MROH1: variants seen among roughly 807,000 people sequenced by gnomAD.
MROH1 encodes the protein maestro heat-like repeat-containing protein family member 1.
MROH1 carries 117 observed loss-of-function variants against 116.5 expected under a neutral mutation model. The ratio of observed to expected loss-of-function variants is 1.00; its 90% confidence interval spans 0.86 to 1.17. The LOEUF (loss-of-function observed/expected upper bound fraction) is 1.17. Ranked by LOEUF, MROH1 falls within the 50% of genes most tolerant of loss-of-function variation. The pLI is 0.00. For missense variants in MROH1, 1,873 were observed against 1,338.5 expected, an observed-to-expected ratio of 1.40 and a Z score of -6.23; for synonymous variants, 921 against 583.9, an observed-to-expected ratio of 1.58 and a Z score of -8.32.
intron 10 of MROH1, among the ~76,000 whole-genome samples, chr8:144,196,751 A>C (rs1435871703): frequency 6.6e-6 from 1 of 152,140 alleles, no homozygotes; most frequent in Non-Finnish European, 1.5e-5. Context: ...ACTCATTTGC[A>C]TTAGTTATAT....
intron 25 of MROH1, 80 bp from the exon 26 acceptor site, chr8:144,243,783 T>TAGGCTGGGGGACAGAGCTTGACCAGG: frequency 1.3e-6 from 1 of 743,800 alleles, no homozygotes; most frequent in Non-Finnish European, 2.5e-6. Flanking sequence ...GCCTGTCACT[T>TAGGCTGGGGGACAGAGCTTGACCAGG]AGGCTGGGGG....
chr8:144,186,612 A>C (rs1366504336), intron 7 of MROH1, among the ~76,000 whole-genome samples: 1 of 152,136 alleles, frequency 6.6e-6, no homozygotes, highest in African/African-American at 2.4e-5. Flanking sequence ...ATCACCTCAC[A>C]TACCCCGCTG....
intron 29 of MROH1, 141 bp downstream of exon 29, chr8:144,245,401 G>A: frequency 1.5e-6 from 1 of 652,022 alleles, no homozygotes; most frequent in East Asian, 2.7e-5. Flanking sequence ...TTGAGGGCCT[G>A]TCAGGGCCAG....
chr8:144,233,315 T>TG (rs1839297500), intron 14 of MROH1, among the ~76,000 whole-genome samples: 1 of 132,710 alleles, frequency 7.5e-6, no homozygotes, highest in South Asian at 2.5e-4. Flanking sequence ...CATTAAATGC[T>TG]AACTCCCATT....
Position 144,261,681 on chromosome 8 carries a change from GC to G in MROH1, c.4872del (p.Glu1625ArgfsTer14). The G allele has an allele frequency of 1.4e-6, 1 of 727,290 alleles. No homozygotes were observed. The highest frequency in any genetic ancestry group is 2.6e-5 in the East Asian group (1 of 38,304). The allele number at this position is 727,290 out of a possible 1,614,324, so 45.1% of individuals were successfully genotyped here. A position where few individuals can be genotyped will look rare whatever the true frequency, so the allele number is the denominator to read the frequency against. ...AALQILLKDP[A>X]PEVRTRAAEA... ...GCTCCAGATCCTGCTGAAGGACCCG[GC>G]CCCCGAGGTGCGGACGAGGGCTGCT... On this transcript the variant is annotated frameshift_variant, in exon 44 of 44. Coordinates refer to ENST00000326134, the MANE Select transcript of MROH1 (RefSeq NM_032450.3). LOFTEE classifies it high-confidence loss of function.
intron 1 of MROH1, among the ~76,000 whole-genome samples, chr8:144,152,102 C>G (rs1816944003): frequency 6.6e-6 from 1 of 152,254 alleles, no homozygotes; most frequent in South Asian, 2.1e-4. Context: ...TACCTATATA[C>G]CTATGATAAA....
chr8:144,192,540 C>A (rs1469199109), intron 10 of MROH1, 139 bp downstream of exon 10: 5 of 752,268 alleles, frequency 6.6e-6, no homozygotes, highest in Middle Eastern at 2.2e-4. Flanking sequence ...CCCTGAAGGT[C>A]ACTCGGGTGA....
Position 144,254,991 on chromosome 8 carries a change from C to G in MROH1, c.3594+13C>G. 1 of 743,986 alleles carries G rather than the reference C, an allele frequency of 1.3e-6. No homozygotes were observed. The highest frequency in any genetic ancestry group is 2.5e-6 in the Non-Finnish European group (1 of 403,878). The allele number at this position is 743,986 out of a possible 1,614,324, so 46.1% of individuals were successfully genotyped here. A position where few individuals can be genotyped will look rare whatever the true frequency, so the allele number is the denominator to read the frequency against. On this transcript the variant is annotated intron_variant, in intron 34 of 43. Coordinates refer to ENST00000326134, the MANE Select transcript of MROH1 (RefSeq NM_032450.3). ...GCTGCCTCTCTCGGTGAGTCGGGCT[C>G]TCGGGGCCACCTTGACACGCTGTCC...
chr8:144,216,315 A>G (rs1835251879), intron 12 of MROH1, among the ~76,000 whole-genome samples: 1 of 151,710 alleles, frequency 6.6e-6, no homozygotes, highest in Non-Finnish European at 1.5e-5. Context: ...TCTACTAAAA[A>G]TACAAAAAAT....
intron 12 of MROH1, among the ~76,000 whole-genome samples, chr8:144,216,724 G>C (rs1038421070): frequency 4.1e-5 from 6 of 146,122 alleles, no homozygotes; most frequent in Admixed American, 2.7e-4. Context: ...GAGTCTTGCT[G>C]TGTCGCCCAG....
At chr8:144,164,001 G>A (rs1820168760) in intron 3 of MROH1, among the ~76,000 whole-genome samples, 153 bp downstream of exon 3, 1 of 151,944 alleles carries the variant, frequency 6.6e-6, no homozygotes, top group Non-Finnish European at 1.5e-5. Context: ...GTTGGGTGAT[G>A]TGGCAGGTGT....
At chr8:144,222,931 G>A (rs1837091027) in intron 13 of MROH1, among the ~76,000 whole-genome samples, 177 bp from the exon 14 acceptor site, 1 of 151,882 alleles carries the variant, frequency 6.6e-6, no homozygotes, top group Admixed American at 6.6e-5. Flanking sequence ...TCCAGGTACA[G>A]GTGTGGATTC....
chr8:144,241,821 T>G (rs1351264657), intron 22 of MROH1, among the ~76,000 whole-genome samples: 2 of 152,230 alleles, frequency 1.3e-5, no homozygotes, highest in African/African-American at 4.8e-5. Context: ...GATTCTGCGT[T>G]CTTGCCAAAC....
chr8:144,242,758 C>A, intron 24 of MROH1, 130 bp downstream of exon 24: 1 of 687,406 alleles, frequency 1.5e-6, no homozygotes, highest in South Asian at 1.6e-5. Context: ...GTCTCCGTCC[C>A]CAGGAGGCGT....
chr8:144,238,169 T>G (rs1387370666), intron 14 of MROH1, among the ~76,000 whole-genome samples: 10 of 152,116 alleles, frequency 6.6e-5, no homozygotes, highest in South Asian at 2.1e-4. Flanking sequence ...TATCACTGTT[T>G]TTTTTTTTTT....
At position 144,223,089 on chromosome 8, in the gene MROH1, C is replaced by T. The variant is rs1387072104; in HGVS notation, c.1216-19C>T. 6.2e-7 allele frequency: 1 copy of T among 1,613,114 alleles called. No homozygotes were observed. The highest frequency in any genetic ancestry group is 2.2e-5 in the East Asian group (1 of 44,874). ...GTCTCTGCGTCCCCTTCCTGATCTC[C>T]CATTTGTTCTCTGGGCAGGTGAAGC... is the stretch of plus-strand genomic sequence containing the variant. On this transcript the variant is annotated intron_variant, in intron 13 of 43. Coordinates refer to ENST00000326134, the MANE Select transcript of MROH1 (RefSeq NM_032450.3).
intron 4 of MROH1, 60 bp downstream of exon 4, chr8:144,168,500 T>C: frequency 6.5e-7 from 1 of 1,543,966 alleles, no homozygotes; most frequent in Non-Finnish European, 8.7e-7. Context: ...GGGGCTTACT[T>C]GGTTTGGGAA....
intron 7 of MROH1, among the ~76,000 whole-genome samples, chr8:144,190,344 A>G (rs1318343509): frequency 6.6e-6 from 1 of 152,206 alleles, no homozygotes; most frequent in African/African-American, 2.4e-5. Flanking sequence ...CCTGGCCAAC[A>G]TGGTGAAACC....
intron 12 of MROH1, among the ~76,000 whole-genome samples, chr8:144,204,538 A>G (rs2131952477): frequency 6.6e-6 from 1 of 152,376 alleles, no homozygotes; most frequent in African/African-American, 2.4e-5. Flanking sequence ...AACCAGGTGA[A>G]GAAATGGGAC....
Sources: allele counts gnomAD v4.1 joint callset (sites outside exome capture counted in the v4.1 genomes callset), GRCh38; gene constraint gnomAD v4.1.1; transcripts MANE v1.5; gene names NCBI Gene and HGNC (gene_info 2026-07-23, HGNC 2026-07-21).